MAP2K2: variants seen among roughly 807,000 people sequenced by gnomAD.
MAP2K2 encodes the protein mitogen-activated protein kinase kinase 2, also known as dual specificity mitogen-activated protein kinase kinase 2.
In MAP2K2, 24 loss-of-function variants were observed where a neutral mutation model predicts 43.7. The observed-to-expected ratio is 0.55, with a 90% CI of 0.40 to 0.77. MAP2K2 has a LOEUF of 0.77. MAP2K2 is among the 30% of genes least tolerant of loss of function. The pLI is 0.00. For missense variants in MAP2K2, 470 were observed against 566.8 expected (o/e 0.83, Z 1.73); for synonymous variants, 244 against 239.7 (o/e 1.02, Z -0.17).
Position 4,101,324 on chromosome 19 carries a change from G to A in MAP2K2, c.529-44C>T. The A allele has an allele frequency of 6.4e-7, 1 of 1,555,946 alleles. No individual in the cohort carries two copies. ...GGAGTCACGGGACAAGGCCACCAGGGCTTAGCTCCTGACCGAGCCCGGGGG... is the reference window on the plus strand; with the variant it reads ...GGAGTCACGGGACAAGGCCACCAGGACTTAGCTCCTGACCGAGCCCGGGGG... On this transcript the variant is annotated intron_variant, in intron 4 of 10. Coordinates refer to ENST00000262948, the MANE Select transcript of MAP2K2 (RefSeq NM_030662.4). This position sits in a 1 kb window ranked among gnomAD's most constrained non-coding sequence, Gnocchi z 6.3.
At chr19:4,102,276 ACC>A (rs1299419538) in intron 4 of MAP2K2, 98 bp downstream of exon 4, 1 of 1,037,086 alleles carries the variant, frequency 9.6e-7, no homozygotes, top group Non-Finnish European at 1.4e-6. Flanking sequence ...GGCCACCCTA[ACC>A]CCCACCACAC....
At chr19:4,105,668 C>T (rs1310730660) in intron 3 of MAP2K2, among the ~76,000 whole-genome samples, 1 of 152,058 alleles carries the variant, frequency 6.6e-6, no homozygotes, top group South Asian at 2.1e-4. Flanking sequence ...TATATTGTTC[C>T]AGATCTTTCT....
At chr19:4,106,965 C>T (rs2041091862) in intron 3 of MAP2K2, among the ~76,000 whole-genome samples, 3 of 152,354 alleles carry the variant, frequency 2.0e-5, no homozygotes, top group African/African-American at 7.2e-5. Context: ...GCCACTGGCT[C>T]TCCTTTCCCC....
At chr19:4,094,772 T>C (rs2040892184) in intron 9 of MAP2K2, 4 of 535,418 alleles carry the variant, frequency 7.5e-6, no homozygotes, top group Non-Finnish European at 1.4e-5. Context: ...GTCAGAAGCC[T>C]GGACGCAACC....
rs904859028 is a variant in MAP2K2, at chr19:4,123,830, G to T, written c.46C>A (p.Pro16Thr). 1.3e-6 allele frequency: 2 copies of T among 1,546,438 alleles called. No homozygotes were observed. The highest frequency in any genetic ancestry group is 1.9e-5 in the Admixed American group (1 of 52,954). Residue 16 changes from proline to threonine, a missense_variant, in exon 1 of 11, where the codon CCT becomes ACT. Physicochemically the swap from Pro to Thr is conservative, Grantham distance 38. This residue lies in a region of MAP2K2 where 58 missense variants were observed against 48.0 expected (regional missense o/e 1.21). Coordinates refer to ENST00000262948, the MANE Select transcript of MAP2K2 (RefSeq NM_030662.4). ...GGGGATGGGCCCTCGGCGATGGTAGGGTTGATGGTGAGCGCCGGCAGCACC... is the reference window on the plus strand; with the variant it reads ...GGGGATGGGCCCTCGGCGATGGTAGTGTTGATGGTGAGCGCCGGCAGCACC... ...KPVLPALTIN[P>T]TIAEGPSPTS...
At chr19:4,093,303 T>C (rs1599280158) in intron 10 of MAP2K2, among the ~76,000 whole-genome samples, 1 of 151,918 alleles carries the variant, frequency 6.6e-6, no homozygotes, top group South Asian at 2.1e-4. Context: ...GGAGGCTGAG[T>C]GGGAGGATCA....
chr19:4,105,535 G>A (rs2041075498), intron 3 of MAP2K2, among the ~76,000 whole-genome samples: 1 of 152,130 alleles, frequency 6.6e-6, no homozygotes, highest in African/African-American at 2.4e-5. Flanking sequence ...GCCTCCCAAA[G>A]TGCTGGGATT....
chr19:4,092,459 C>CGT (rs2040863360), intron 10 of MAP2K2, among the ~76,000 whole-genome samples: 1 of 151,792 alleles, frequency 6.6e-6, no homozygotes, highest in Non-Finnish European at 1.5e-5. Flanking sequence ...TGTGGTGGCA[C>CGT]GAGCCTGTAA....
chr19:4,090,590 G>A lies in MAP2K2; in HGVS notation c.*8C>T, dbSNP rs377675706. On this transcript the variant is annotated 3_prime_UTR_variant, in exon 11 of 11. Coordinates refer to ENST00000262948, the MANE Select transcript of MAP2K2 (RefSeq NM_030662.4). ...GTCACCAGCGGGACGCAGGGAGCCC[G>A]GCCACTGTCACACGGCGGTGCGCGT... is the stretch of plus-strand genomic sequence containing the variant. 1.3e-4 allele frequency: 201 copies of A among 1,547,966 alleles called. No individual in the cohort carries two copies. The highest frequency in any genetic ancestry group is 2.2e-4 in the East Asian group (9 of 40,934).
intron 2 of MAP2K2, 115 bp from the exon 3 acceptor site, chr19:4,110,770 C>A: frequency 8.8e-7 from 1 of 1,133,152 alleles, no homozygotes; most frequent in South Asian, 1.5e-5. Flanking sequence ...ACTCAGTACC[C>A]CCTCCGCAAT....
At chr19:4,111,616 C>G (rs2041154301) in intron 2 of MAP2K2, among the ~76,000 whole-genome samples, 1 of 152,166 alleles carries the variant, frequency 6.6e-6, no homozygotes, top group African/African-American at 2.4e-5. Flanking sequence ...CAAGTTGACC[C>G]CGGTGCCACT....
Position 4,110,587 on chromosome 19 carries a change from T to A in MAP2K2, c.372A>T (p.Glu124Asp), listed in dbSNP as rs1235910550. Residue 124 changes from glutamate (E) to aspartate (D), a missense_variant, in exon 3 of 11, where the codon GAA becomes GAT. Physicochemically the swap from Glu to Asp is conservative, Grantham distance 45. Coordinates refer to ENST00000262948, the MANE Select transcript of MAP2K2 (RefSeq NM_030662.4). ...AGCCCACGATGTACGGCGAGTTGCA[T>A]TCGTGCAGGACCTGCAGCTCGCGGA... ...QIIRELQVLH[E>D]CNSPYIVGFY... The A allele has an allele frequency of 6.2e-7, 1 of 1,614,042 alleles. No individual in the cohort carries two copies. Among genetic ancestry groups the A allele is most frequent in the South Asian group, 1.1e-5 (1 of 91,090 alleles).
chr19:4,114,072 C>T (rs1001792143), intron 2 of MAP2K2, among the ~76,000 whole-genome samples: 3 of 152,138 alleles, frequency 2.0e-5, no homozygotes, highest in African/African-American at 7.2e-5. Context: ...GCGGGAGGAT[C>T]GCTTCAGGCC....
At chr19:4,121,645 AC>A (rs1350583589) in intron 1 of MAP2K2, among the ~76,000 whole-genome samples, 6 of 52,520 alleles carry the variant, frequency 1.1e-4, no homozygotes, top group African/African-American at 4.2e-4. Flanking sequence ...ACCCAACCTG[AC>A]CCCCCCCACA....
rs1425894935 is a variant in MAP2K2 at position 4,123,617 on chromosome 19, G to A, written c.92+167C>T. On this transcript the variant is annotated intron_variant, in intron 1 of 10. Coordinates refer to ENST00000262948, the MANE Select transcript of MAP2K2 (RefSeq NM_030662.4). ...TCCTCCCCCGAGGGTCCCCTGCCCTGTCCTCCCCTCGAGAACCCCCTGCCC... is the reference window on the plus strand; with the variant it reads ...TCCTCCCCCGAGGGTCCCCTGCCCTATCCTCCCCTCGAGAACCCCCTGCCC... Among the ~76,000 whole-genome samples the A allele has an allele frequency of 1.0e-3, 29 of 28,296 alleles. 1 individual carries two copies. Among genetic ancestry groups the A allele is most frequent in the African/African-American group, 7.1e-3 (24 of 3,362 alleles). 18.6% of individuals were successfully genotyped at this position (28,296 alleles called of 152,430 possible).
At chr19:4,110,137 C>G (rs1243848139) in intron 3 of MAP2K2, among the ~76,000 whole-genome samples, 1 of 151,962 alleles carries the variant, frequency 6.6e-6, no homozygotes, top group East Asian at 1.9e-4. Context: ...AACCCTGTCT[C>G]TACTAAAAAT....
chr19:4,109,075 AT>A (rs1186091659), intron 3 of MAP2K2, among the ~76,000 whole-genome samples: 1 of 152,120 alleles, frequency 6.6e-6, no homozygotes, highest in African/African-American at 2.4e-5. Context: ...TCCTGCCTTC[AT>A]TACAAAACTG....
At chr19:4,102,123 G>A (rs1318282647) in intron 4 of MAP2K2, among the ~76,000 whole-genome samples, 1 of 152,172 alleles carries the variant, frequency 6.6e-6, no homozygotes, top group Admixed American at 6.5e-5. Context: ...GGGGACCAGT[G>A]TGGCAAACAG....
intron 7 of MAP2K2, 130 bp from the exon 8 acceptor site, chr19:4,097,473 G>A (rs561122428): frequency 5.6e-6 from 4 of 711,794 alleles, no homozygotes; most frequent in East Asian, 5.4e-5. Context: ...GGAGGCGGGT[G>A]TGCAGAGGCA....
Sources: allele counts gnomAD v4.1 joint callset (sites outside exome capture counted in the v4.1 genomes callset), GRCh38; gene constraint gnomAD v4.1.1; regional missense constraint gnomAD v4.1.1; non-coding constraint Gnocchi (gnomAD v3.1); transcripts MANE v1.5; gene names NCBI Gene and HGNC (gene_info 2026-07-23, HGNC 2026-07-21).